The following CAPN7 variants were observed in gnomAD, a reference collection of about 807,000 sequenced individuals.
CAPN7 encodes the protein calpain 7.
In CAPN7, 72 loss-of-function variants were observed where a neutral mutation model predicts 115.2. The ratio of observed to expected loss-of-function variants is 0.63; its 90% confidence interval spans 0.52 to 0.76. CAPN7 has a LOEUF of 0.76. CAPN7 is among the 30% of genes least tolerant of loss of function. The pLI is 0.00. For synonymous variants in CAPN7, 344 were observed against 322.3 expected, an observed-to-expected ratio of 1.07 and a Z score of -0.72; for missense variants, 905 against 971.5, an observed-to-expected ratio of 0.93 and a Z score of 0.91.
In CAPN7 at chr3:15,206,558, C is replaced by A; in HGVS notation, c.63C>A (p.Asp21Glu). 20 of 1,554,800 alleles carry A rather than the reference C, an allele frequency of 1.3e-5. No homozygotes were observed. The highest frequency in any genetic ancestry group is 1.7e-5 in the Non-Finnish European group (19 of 1,149,482). The change falls in exon 1 of 21, where the codon GAC becomes GAA. Residue 21 changes from aspartate to glutamate, a missense_variant. Physicochemically the swap from Asp to Glu is conservative, Grantham distance 45. Coordinates refer to ENST00000253693, the MANE Select transcript of CAPN7 (RefSeq NM_014296.3). ...TCGCCCGTCTGGCGGTTCAGCGCGA[C>A]CACGAAGGCCGCTACTCCGAGGCGG... ...VQFARLAVQR[D>E]HEGRYSEAVF...
At chr3:15,249,718 G>C (rs1695885722) in intron 19 of CAPN7, among the ~76,000 whole-genome samples, 1 of 151,590 alleles carries the variant, frequency 6.6e-6, no homozygotes, top group Non-Finnish European at 1.5e-5. Context: ...TTGTTTCAGG[G>C]CTTTCTTTCC....
At position 15,250,955 on chromosome 3, in the gene CAPN7, T is replaced by G. The variant is rs768452329; in HGVS notation, c.2229T>G (p.Val743=). ...GGCAATATAGCGTTGGATTTGAGGT[T>G]GTAACAGTTTCTACTCTAGGAGATC... The part of the protein sequence containing the change: ...GPRQYSVGFE[V]VTVSTLGDPG... The change falls in exon 20 of 21, where the codon GTT becomes GTG. Residue 743 remains valine, a synonymous_variant. Coordinates refer to ENST00000253693, the MANE Select transcript of CAPN7 (RefSeq NM_014296.3). The G allele has an allele frequency of 6.8e-6, 11 of 1,612,406 alleles. No homozygotes were observed. The African/African-American group carries it at 1.1e-4, about 16-fold the overall frequency.
chr3:15,212,465 A>G (rs144974373), intron 2 of CAPN7, among the ~76,000 whole-genome samples: 2 of 152,230 alleles, frequency 1.3e-5, no homozygotes, highest in Admixed American at 6.5e-5. Flanking sequence ...TGAATTACCT[A>G]TGTTCAAACA....
At chr3:15,232,122 G>C (rs1253154103) in intron 9 of CAPN7, 1 of 390,330 alleles carries the variant, frequency 2.6e-6, no homozygotes, top group African/African-American at 2.2e-5. Flanking sequence ...ATACCTACAA[G>C]TTGAACATCT....
In CAPN7 at chr3:15,233,852, G is replaced by T; in HGVS notation, c.1180-15G>T. Reference sequence around the variant, plus strand: ...AAAATGACACTGGCAGTCCTGAAATGTGTTTCTGTTGCAGAATATTGATCT... The same window carrying T: ...AAAATGACACTGGCAGTCCTGAAATTTGTTTCTGTTGCAGAATATTGATCT... On this transcript the variant is annotated splice_polypyrimidine_tract_variant and intron_variant, in intron 10 of 20. Transcript: ENST00000253693. The T allele has an allele frequency of 7.1e-7, 1 of 1,406,358 alleles. No homozygotes were observed. 87.1% of individuals were successfully genotyped at this position (1,406,358 alleles called of 1,614,324 possible).
chr3:15,240,668 T>G (rs377248536), intron 13 of CAPN7, 51 bp downstream of exon 13: 2 of 1,551,968 alleles, frequency 1.3e-6, no homozygotes, highest in African/African-American at 2.8e-5. Context: ...AAAAAAAACA[T>G]GTTTTAACAA....
chr3:15,246,894 T>A, intron 18 of CAPN7, 100 bp downstream of exon 18: 1 of 949,764 alleles, frequency 1.1e-6, no homozygotes, highest in African/African-American at 1.7e-5. Context: ...AGCAAAGGCT[T>A]CACAGGAATA....
intron 7 of CAPN7, among the ~76,000 whole-genome samples, 165 bp from the exon 8 acceptor site, chr3:15,228,809 G>A (rs1035161931): frequency 1.3e-5 from 2 of 152,132 alleles, no homozygotes; most frequent in Admixed American, 6.5e-5. Flanking sequence ...CCTGTGACAC[G>A]AGTTCACCTA....
In CAPN7 at chr3:15,240,528, G is replaced by A. The variant is rs763028089; in HGVS notation, c.1463G>A (p.Arg488Lys). Residue 488 changes from arginine to lysine, a missense_variant, in exon 13 of 21, where the codon AGA becomes AAA. By Grantham distance (26) the Arg-to-Lys change is conservative. Coordinates refer to ENST00000253693, the MANE Select transcript of CAPN7 (RefSeq NM_014296.3). The stretch of plus-strand genomic sequence containing the variant: ...TGGAGTCATTTACGTTGGAAAGGAA[G>A]ATACAGTGAAAATGATGTAAAAAAC... ...NPWSHLRWKG[R>K]YSENDVKNWT... 8 of 1,613,128 alleles carry A rather than the reference G, an allele frequency of 5.0e-6. No homozygotes were observed. In the African/African-American group the frequency reaches 5.3e-5, roughly 11 times the overall value.
intron 17 of CAPN7, chr3:15,246,102 T>A (rs1695644810): frequency 6.4e-6 from 1 of 155,214 alleles, no homozygotes; most frequent in Admixed American, 6.5e-5. Context: ...CATGCCCAGC[T>A]AATTTTTGTA....
At chr3:15,227,994 G>T in intron 7 of CAPN7, 29 bp downstream of exon 7, 1 of 1,387,062 alleles carries the variant, frequency 7.2e-7, no homozygotes, top group Non-Finnish European at 9.4e-7. Flanking sequence ...TGATTTTATA[G>T]AAAAGTCAGC....
At chr3:15,237,816 T>A (rs933168273) in intron 12 of CAPN7, among the ~76,000 whole-genome samples, 1 of 151,656 alleles carries the variant, frequency 6.6e-6, no homozygotes, top group Non-Finnish European at 1.5e-5. Context: ...CAATAAATAA[T>A]TTTTTAAAAA....
intron 8 of CAPN7, among the ~76,000 whole-genome samples, chr3:15,229,513 C>A (rs1337862163): frequency 1.4e-5 from 2 of 138,560 alleles, no homozygotes; most frequent in African/African-American, 5.3e-5. Flanking sequence ...ATGTTAAAAT[C>A]ATATTTCGAT....
At chr3:15,248,191 TAAATAA>T (rs1342063218) in intron 19 of CAPN7, among the ~76,000 whole-genome samples, 3 of 151,328 alleles carry the variant, frequency 2.0e-5, no homozygotes, top group Admixed American at 1.3e-4. Context: ...AATAAATAAA[TAAATAA>T]AAATAAAAAA....
chr3:15,228,093 TCA>T, intron 7 of CAPN7, 128 bp downstream of exon 7: 1 of 563,956 alleles, frequency 1.8e-6, no homozygotes, highest in Non-Finnish European at 2.8e-6. Flanking sequence ...GAAAAATTGT[TCA>T]TTCTACACAT....
chr3:15,226,134 G>A (rs1455693416), intron 6 of CAPN7, among the ~76,000 whole-genome samples: 1 of 152,034 alleles, frequency 6.6e-6, no homozygotes, highest in Non-Finnish European at 1.5e-5. Context: ...AGAGTGCAGT[G>A]GTGCGATCTC....
intron 6 of CAPN7, among the ~76,000 whole-genome samples, chr3:15,226,133 TG>T (rs1172238593): frequency 2.0e-5 from 3 of 152,204 alleles, no homozygotes; most frequent in Non-Finnish European, 4.4e-5. Context: ...TAGAGTGCAG[TG>T]GTGCGATCTC....
intron 2 of CAPN7, among the ~76,000 whole-genome samples, chr3:15,215,716 C>T (rs894094547): frequency 3.3e-5 from 5 of 152,198 alleles, no homozygotes; most frequent in African/African-American, 4.8e-5. Context: ...TGATGTGCTG[C>T]ATTTTGTTTA....
chr3:15,220,150 AGATT>A (rs1693883489), intron 4 of CAPN7, among the ~76,000 whole-genome samples: 1 of 152,178 alleles, frequency 6.6e-6, no homozygotes, highest in Admixed American at 6.6e-5. Context: ...CAGTGAGCCA[AGATT>A]GCGCCACTAC....
Sources: gnomAD v4.1 joint callset for allele counts (sites outside exome capture counted in the v4.1 genomes callset) on GRCh38, gnomAD v4.1.1 for gene constraint, MANE v1.5 for transcripts, NCBI Gene and HGNC (gene_info 2026-07-23, HGNC 2026-07-21) for gene names.